Variants in OTOGL observed in about 807,000 individuals in gnomAD.
OTOGL encodes otogelin like, also known as otogelin-like protein.
In OTOGL, 285 loss-of-function variants were observed where a neutral mutation model predicts 318.5. That is an observed-to-expected ratio of 0.89 (90% CI 0.81 to 0.99). The LOEUF (loss-of-function observed/expected upper bound fraction) is 0.99, where lower values mean the gene tolerates loss of function less well. Ranked by LOEUF, OTOGL falls within the 50% of genes least tolerant of loss-of-function variation. OTOGL has a pLI of 0.00. For missense variants in OTOGL, 2,899 were observed against 2,845.6 expected, an observed-to-expected ratio of 1.02 and a Z score of -0.43; for synonymous variants, 987 against 936.5, an observed-to-expected ratio of 1.05 and a Z score of -0.99.
At chr12:80,114,511 G>A (rs1456050459) in intron 1 of OTOGL, among the ~76,000 whole-genome samples, 1 of 152,152 alleles carries the variant, frequency 6.6e-6, no homozygotes, top group East Asian at 1.9e-4. Context: ...CCCTTTGTGG[G>A]TAACCTGACC....
chr12:80,251,403 A>G (rs144636234), intron 11 of OTOGL, among the ~76,000 whole-genome samples: 14 of 152,368 alleles, frequency 9.2e-5, no homozygotes, highest in African/African-American at 3.1e-4. Context: ...TAATTAAAAT[A>G]TAAATCTTTT....
At chr12:80,217,847 C>G (rs1205272233) in intron 5 of OTOGL, among the ~76,000 whole-genome samples, 183 bp downstream of exon 5, 2 of 152,178 alleles carry the variant, frequency 1.3e-5, no homozygotes, top group African/African-American at 4.8e-5. Context: ...CTGAGAATAA[C>G]CAGGGCCAAA....
At chr12:80,329,387 C>G (rs550758919) in intron 37 of OTOGL, among the ~76,000 whole-genome samples, 1 of 152,192 alleles carries the variant, frequency 6.6e-6, no homozygotes, top group Non-Finnish European at 1.5e-5. Context: ...CTACGTGCCT[C>G]ATTTTCTGAG....
intron 22 of OTOGL, 82 bp downstream of exon 22, chr12:80,267,409 T>TA (rs1565942599): frequency 0.013 from 7,281 of 553,478 alleles, 9 homozygotes; most frequent in East Asian, 0.018. Flanking sequence ...ATATATATAT[T>TA]TTTTTATTAT....
At chr12:80,308,748 C>T (rs1375110196) in intron 29 of OTOGL, among the ~76,000 whole-genome samples, 1 of 152,204 alleles carries the variant, frequency 6.6e-6, no homozygotes, top group Admixed American at 6.5e-5. Context: ...GCGGATCACT[C>T]GCGGTTAGGA....
At chr12:80,153,935 C>G (rs1311040926) in intron 1 of OTOGL, among the ~76,000 whole-genome samples, 1 of 152,132 alleles carries the variant, frequency 6.6e-6, no homozygotes, top group African/African-American at 2.4e-5. Context: ...AGAGACCAGG[C>G]TTGAAGAATC....
At chr12:80,130,838 T>A (rs997582196) in intron 1 of OTOGL, among the ~76,000 whole-genome samples, 5 of 152,260 alleles carry the variant, frequency 3.3e-5, no homozygotes, top group African/African-American at 1.2e-4. Flanking sequence ...ATATTTCCTA[T>A]CATGCTATGA....
Position 80,378,040 on chromosome 12 carries a change from TGGAATTAAACC to T in OTOGL, c.7055_*3del. On this transcript the variant is annotated stop_lost and 3_prime_UTR_variant, in exon 59 of 59. Coordinates refer to ENST00000547103, the MANE Select transcript of OTOGL (RefSeq NM_001378609.3). ...GGAACCCATAGACTGTACGTGCCAG[TGGAATTAAACC>T]CTTGGGTTCCAAGAGCTCTATACAA... 1 of 1,569,914 alleles carries T rather than the reference TGGAATTAAACC, an allele frequency of 6.4e-7. No homozygotes were observed. Among genetic ancestry groups the T allele is most frequent in the Non-Finnish European group, 8.7e-7 (1 of 1,154,596 alleles).
At chr12:80,138,719 G>A (rs73356923) in intron 1 of OTOGL, among the ~76,000 whole-genome samples, 4,643 of 152,176 alleles carry the variant, frequency 0.031, 244 homozygotes, top group African/African-American at 0.1. Context: ...ATTAAAAAAT[G>A]ACAAGAGTAT....
chr12:80,258,786 A>G (rs947718290), intron 18 of OTOGL, among the ~76,000 whole-genome samples: 1 of 152,000 alleles, frequency 6.6e-6, no homozygotes, highest in Non-Finnish European at 1.5e-5. Flanking sequence ...AGTATTATAG[A>G]ATGGTGTTTG....
In OTOGL at chr12:80,332,994, A is replaced by G. The variant is rs1410705879; in HGVS notation, c.4349-11A>G. ...TTCCACTAATGAGGATTACTTTTTC[A>G]TTTCTGACAGTTTGGGAAATGATTA... On this transcript the variant is annotated splice_polypyrimidine_tract_variant and intron_variant, in intron 37 of 58. Transcript: ENST00000547103. 3.8e-6 allele frequency: 6 copies of G among 1,576,648 alleles called. No individual in the cohort carries two copies. Among genetic ancestry groups the G allele is most frequent in the African/African-American group, 2.7e-5 (2 of 74,328 alleles).
rs61015276 is a variant in OTOGL at position 80,277,606 on chromosome 12, A to G, written c.2682-562A>G. Among the ~76,000 whole-genome samples, 1,030 of 151,532 alleles carry G rather than the reference A, an allele frequency of 6.8e-3. 22 individuals are homozygous for G. Among genetic ancestry groups the G allele is most frequent in the African/African-American group, 0.024 (992 of 41,482 alleles). ...AACACTTGAAGGAAAACCAACATTC[A>G]AAAGTTATCACATTAAATAAATAAG... is the stretch of plus-strand genomic sequence containing the variant. On this transcript the variant is annotated intron_variant, in intron 24 of 58. Coordinates refer to ENST00000547103, the MANE Select transcript of OTOGL (RefSeq NM_001378609.3).
chr12:80,307,985 T>A (rs1371943980), intron 29 of OTOGL, among the ~76,000 whole-genome samples: 1 of 114,338 alleles, frequency 8.7e-6, no homozygotes, highest in Non-Finnish European at 1.8e-5. Flanking sequence ...CAGTTCCCAG[T>A]AGGGGCGGCC....
chr12:80,118,702 C>G (rs1870310962), intron 1 of OTOGL, among the ~76,000 whole-genome samples: 1 of 152,054 alleles, frequency 6.6e-6, no homozygotes, highest in Non-Finnish European at 1.5e-5. Context: ...AAAAATGACT[C>G]TTATTGCATG....
intron 7 of OTOGL, among the ~76,000 whole-genome samples, chr12:80,226,092 T>C (rs544074444): frequency 1.3e-5 from 2 of 151,796 alleles, no homozygotes; most frequent in Non-Finnish European, 2.9e-5. Flanking sequence ...ATTATCTCTT[T>C]ATTTTTCAAA....
At chr12:80,135,896 C>CTGA (rs1423315810) in intron 1 of OTOGL, among the ~76,000 whole-genome samples, 1 of 152,190 alleles carries the variant, frequency 6.6e-6, no homozygotes, top group Non-Finnish European at 1.5e-5. Flanking sequence ...ATTCTCCTGC[C>CTGA]TGATGGCCTT....
chr12:80,133,971 CAAACA>C (rs1871393084), intron 1 of OTOGL, among the ~76,000 whole-genome samples: 1 of 151,740 alleles, frequency 6.6e-6, no homozygotes, highest in African/African-American at 2.4e-5. Context: ...AAAACCCAAA[CAAACA>C]AAATTAAAAG....
chr12:80,265,101 T>G lies in OTOGL; in HGVS notation c.2115T>G (p.Asp705Glu), dbSNP rs751002650. The part of the protein sequence containing the change: ...PGLYYQLCRH[D>E]ACKCGSSCLC... ...TGTACTATCAGCTATGCCGCCACGA[T>G]GCATGCAAGTGTGGAAGCTCCTGCC... Residue 705 changes from aspartate to glutamate, a missense_variant, in exon 20 of 59, where the codon GAT (aspartate) becomes GAG (glutamate). Asp to Glu is a conservative substitution (Grantham distance 45). Coordinates refer to ENST00000547103, the MANE Select transcript of OTOGL (RefSeq NM_001378609.3). 1.2e-6 allele frequency: 2 copies of G among 1,613,796 alleles called. No individual in the cohort carries two copies. The highest frequency in any genetic ancestry group is 1.7e-6 in the Non-Finnish European group (2 of 1,179,870).
intron 1 of OTOGL, among the ~76,000 whole-genome samples, chr12:80,115,003 C>G (rs1354061561): frequency 6.6e-6 from 1 of 151,832 alleles, no homozygotes; most frequent in African/African-American, 2.4e-5. Flanking sequence ...AGTAATTCCT[C>G]TAACCTTTTA....
Sources: allele counts gnomAD v4.1 joint callset (sites outside exome capture counted in the v4.1 genomes callset), GRCh38; gene constraint gnomAD v4.1.1; transcripts MANE v1.5; gene names NCBI Gene and HGNC (gene_info 2026-07-23, HGNC 2026-07-21).